The following CCDC91 variants were observed in gnomAD, a reference collection of about 807,000 sequenced individuals.
The protein encoded by CCDC91 is coiled-coil domain-containing protein 91.
A neutral mutation model predicts 63.2 loss-of-function variants in CCDC91; 48 were observed. The ratio of observed to expected loss-of-function variants is 0.76; its 90% confidence interval spans 0.60 to 0.97. The LOEUF is 0.97. Ranked by LOEUF, CCDC91 falls within the 50% of genes least tolerant of loss-of-function variation. The probability of loss-of-function intolerance (pLI) is 0.00; values close to 1 mark genes in which losing one functional copy is unlikely to be tolerated. For synonymous variants in CCDC91, 167 were observed against 165.8 expected (o/e 1.01, Z -0.06); for missense variants, 500 against 494.6 (o/e 1.01, Z -0.10).
chr12:28,301,441 A>T (rs1217938513), intron 3 of CCDC91, among the ~76,000 whole-genome samples: 4 of 151,362 alleles, frequency 2.6e-5, no homozygotes, highest in Non-Finnish European at 5.9e-5. Context: ...TATCATTTTA[A>T]TATGGTGCTG....
chr12:28,277,619 G>T (rs144938150), intron 3 of CCDC91, among the ~76,000 whole-genome samples: 195 of 152,128 alleles, frequency 1.3e-3, no homozygotes, highest in Middle Eastern at 3.4e-3. Context: ...AGCATTTTGA[G>T]TAAGGAGTAC....
At chr12:28,438,456 A>T (rs1000166914) in intron 8 of CCDC91, among the ~76,000 whole-genome samples, 1 of 152,096 alleles carries the variant, frequency 6.6e-6, no homozygotes, top group Non-Finnish European at 1.5e-5. Context: ...TTGATCTTAG[A>T]CTTTCTAGCT....
intron 4 of CCDC91, among the ~76,000 whole-genome samples, 176 bp from the exon 5 acceptor site, chr12:28,306,566 C>T (rs1367879887): frequency 2.6e-5 from 4 of 151,934 alleles, no homozygotes; most frequent in Non-Finnish European, 4.4e-5. Flanking sequence ...CAGCAAAGAT[C>T]GGGTTGTTGT....
chr12:28,302,965 T>A (rs1938242536), intron 3 of CCDC91, among the ~76,000 whole-genome samples: 1 of 152,038 alleles, frequency 6.6e-6, no homozygotes, highest in Non-Finnish European at 1.5e-5. Context: ...TATGAAATAA[T>A]GAAACTTGTG....
chr12:28,537,316 C>A (rs1942255403), intron 12 of CCDC91, among the ~76,000 whole-genome samples: 1 of 152,134 alleles, frequency 6.6e-6, no homozygotes, highest in Non-Finnish European at 1.5e-5. Flanking sequence ...TTGATCATTA[C>A]AATTTTTTTA....
chr12:28,242,545 C>CCAAGGG (rs1945416086), intron 1 of CCDC91, among the ~76,000 whole-genome samples: 1 of 152,014 alleles, frequency 6.6e-6, no homozygotes, highest in Admixed American at 6.5e-5. Context: ...GGGAAGCCAT[C>CCAAGGG]TGGGACTTGG....
chr12:28,262,213 C>T (rs1173227344), intron 3 of CCDC91, among the ~76,000 whole-genome samples: 2 of 152,012 alleles, frequency 1.3e-5, no homozygotes, highest in Non-Finnish European at 2.9e-5. Context: ...CTAATTTTCT[C>T]CTTTTTTCCC....
At chr12:28,469,479 A>C (rs1224110234) in intron 11 of CCDC91, among the ~76,000 whole-genome samples, 2 of 152,114 alleles carry the variant, frequency 1.3e-5, no homozygotes, top group Non-Finnish European at 2.9e-5. Context: ...CATGGATTGA[A>C]ATAATAAATA....
intron 7 of CCDC91, 126 bp from the exon 8 acceptor site, chr12:28,391,178 A>T: frequency 1.8e-6 from 1 of 542,150 alleles, no homozygotes; most frequent in Non-Finnish European, 3.3e-6. Context: ...GTATTAACAA[A>T]TACATATTTT....
intron 6 of CCDC91, among the ~76,000 whole-genome samples, chr12:28,344,850 G>A (rs1472659251): frequency 6.6e-6 from 1 of 152,002 alleles, no homozygotes; most frequent in Non-Finnish European, 1.5e-5. Context: ...ATTGCTTAAT[G>A]TCAGCCAGAT....
chr12:28,262,623 T>A (rs1197502820), intron 3 of CCDC91, among the ~76,000 whole-genome samples: 2 of 152,082 alleles, frequency 1.3e-5, no homozygotes, highest in East Asian at 3.9e-4. Flanking sequence ...CTTAAAATGC[T>A]AGCTTATAGG....
chr12:28,402,162 C>T (rs765542705), intron 8 of CCDC91, among the ~76,000 whole-genome samples: 4 of 152,036 alleles, frequency 2.6e-5, no homozygotes, highest in African/African-American at 4.8e-5. Flanking sequence ...TAACAGCATC[C>T]GTCACGTCTA....
intron 1 of CCDC91, among the ~76,000 whole-genome samples, chr12:28,192,252 G>T (rs1941323099): frequency 6.6e-6 from 1 of 152,178 alleles, no homozygotes; most frequent in Non-Finnish European, 1.5e-5. Context: ...ACAGGAATTT[G>T]GTGTAATAGG....
intron 6 of CCDC91, among the ~76,000 whole-genome samples, chr12:28,330,486 T>G (rs1941411064): frequency 6.6e-6 from 1 of 152,026 alleles, no homozygotes; most frequent in African/African-American, 2.4e-5. Flanking sequence ...TAAATTTGTT[T>G]GAGTTCTTTG....
chr12:28,310,668 A>G (rs2137169693), intron 6 of CCDC91, among the ~76,000 whole-genome samples: 1 of 152,108 alleles, frequency 6.6e-6, no homozygotes, highest in East Asian at 1.9e-4. Context: ...ATGTCACCAT[A>G]CCATCTCTGA....
intron 7 of CCDC91, among the ~76,000 whole-genome samples, chr12:28,380,943 T>C (rs1487421041): frequency 6.6e-6 from 1 of 152,092 alleles, no homozygotes; most frequent in Non-Finnish European, 1.5e-5. Context: ...TAGCCACCAA[T>C]ATTTCTGTTT....
chr12:28,476,015 G>A (rs1368836036), intron 11 of CCDC91, among the ~76,000 whole-genome samples: 1 of 151,664 alleles, frequency 6.6e-6, no homozygotes, highest in African/African-American at 2.4e-5. Flanking sequence ...TAGTATTTTG[G>A]TTAAAAAAAC....
At chr12:28,223,442 T>C (rs1471162483) in intron 1 of CCDC91, among the ~76,000 whole-genome samples, 2 of 152,158 alleles carry the variant, frequency 1.3e-5, no homozygotes, top group East Asian at 3.9e-4. Flanking sequence ...GTGGTTTCAT[T>C]TGGCTTCCTT....
At chr12:28,364,387 C>CA (rs568369675) in intron 7 of CCDC91, among the ~76,000 whole-genome samples, 1,588 of 147,534 alleles carry the variant, frequency 0.011, 33 homozygotes, top group African/African-American at 0.036. Flanking sequence ...GACTCCGTCT[C>CA]AAAAAAAAAC....
Sources: allele counts gnomAD v4.1 joint callset (sites outside exome capture counted in the v4.1 genomes callset), GRCh38; gene constraint gnomAD v4.1.1; transcripts MANE v1.5; gene names NCBI Gene and HGNC (gene_info 2026-07-23, HGNC 2026-07-21).